The following CPSF6 variants were observed in gnomAD, a reference collection of about 807,000 sequenced individuals.
CPSF6 encodes cleavage and polyadenylation specificity factor subunit 6.
CPSF6 carries 10 observed loss-of-function variants against 56.7 expected under a neutral mutation model. The ratio of observed to expected loss-of-function variants is 0.18; its 90% CI spans 0.11 to 0.30. The LOEUF (loss-of-function observed/expected upper bound fraction) is 0.30, where lower values mean the gene tolerates loss of function less well. CPSF6 is among the 10% of genes least tolerant of loss of function. The pLI is 1.00. For missense variants in CPSF6, 419 were observed against 722.9 expected, an observed-to-expected ratio of 0.58 and a Z score of 4.82; for synonymous variants, 248 against 244.8, an observed-to-expected ratio of 1.01 and a Z score of -0.12.
intron 3 of CPSF6, among the ~76,000 whole-genome samples, chr12:69,253,869 T>C (rs1791863672): frequency 6.6e-6 from 1 of 152,186 alleles, no homozygotes; most frequent in Non-Finnish European, 1.5e-5. Context: ...GTAAATAATG[T>C]TGCAGCAGAC....
At position 69,239,702 on chromosome 12, in the gene CPSF6, A is replaced by C. The variant is rs771103113; in HGVS notation, c.56A>C (p.Asn19Thr). 1 of 1,586,972 alleles carries C rather than the reference A, an allele frequency of 6.3e-7. No individual in the cohort carries two copies. Among genetic ancestry groups the C allele is most frequent in the East Asian group, 2.4e-5 (1 of 41,828 alleles). The change falls in exon 1 of 10, where the codon AAC becomes ACC. Residue 19 changes from asparagine to threonine, a missense_variant. Physicochemically the swap from Asn to Thr is moderately conservative, Grantham distance 65. Around this residue, in one of 4 missense-constraint regions of CPSF6, gnomAD observed 125 missense variants for 216.4 expected, o/e 0.58. Transcript: ENST00000435070. ...TACGCGGATGTCGGCGAAGAGTTCA[A>C]CCAGGTACGTGAGAGCCCAGGTCCC... Reference protein sequence around the residue: ...DIYADVGEEFNQEAEYGGHDQ... With the variant: ...DIYADVGEEFTQEAEYGGHDQ...
intron 1 of CPSF6, among the ~76,000 whole-genome samples, chr12:69,250,122 A>C (rs924233295): frequency 6.6e-6 from 1 of 152,020 alleles, no homozygotes; most frequent in Admixed American, 6.5e-5. Flanking sequence ...ATTTTGAATT[A>C]TTTACATACC....
intron 1 of CPSF6, among the ~76,000 whole-genome samples, chr12:69,250,543 C>T (rs1046079736): frequency 2.2e-5 from 3 of 134,250 alleles, no homozygotes; most frequent in African/African-American, 8.5e-5. Context: ...TGCTTGAACT[C>T]AGGAGTTCGA....
At chr12:69,243,639 A>T (rs1038049185) in intron 1 of CPSF6, among the ~76,000 whole-genome samples, 16 of 152,180 alleles carry the variant, frequency 1.1e-4, no homozygotes, top group African/African-American at 3.1e-4. Context: ...AAAAGATAAA[A>T]AGTGGCACAC....
intron 1 of CPSF6, among the ~76,000 whole-genome samples, chr12:69,250,638 CCTTTTTTT>C (rs1565644846): frequency 3.1e-5 from 3 of 97,566 alleles, no homozygotes; most frequent in East Asian, 5.8e-4. Context: ...AAGGAAACCC[CCTTTTTTT>C]GTTTTTTTGT....
intron 4 of CPSF6, among the ~76,000 whole-genome samples, chr12:69,257,418 T>C (rs771582386): frequency 1.2e-4 from 18 of 152,224 alleles, no homozygotes; most frequent in Admixed American, 2.6e-4. Context: ...TGTTACAAAA[T>C]TTAAATGATG....
Position 69,259,103 on chromosome 12 carries a change from G to C in CPSF6, c.1199+9G>C. On this transcript the variant is annotated intron_variant, in intron 6 of 9. Transcript: ENST00000435070. ...TATGGCCCCCCTGGAAGGTAAGTTA[G>C]TGTGTATCTGTGAAAGTACTTGATG... is the stretch of plus-strand genomic sequence containing the variant. 1 of 1,590,414 alleles carries C rather than the reference G, an allele frequency of 6.3e-7. No individual in the cohort carries two copies. Among genetic ancestry groups the C allele is most frequent in the Non-Finnish European group, 8.5e-7 (1 of 1,174,216 alleles).
rs12296455 is a variant in CPSF6 at position 69,257,396 on chromosome 12, A to T, written c.521-336A>T. On this transcript the variant is annotated intron_variant, in intron 4 of 9. Coordinates refer to ENST00000435070, the MANE Select transcript of CPSF6 (RefSeq NM_007007.3). Reference sequence around the variant, plus strand: ...TTAATGTTTTAGCACTTAAGACTTAACTGAAGAAGTGTGTTACAAAATTTA... The same window carrying T: ...TTAATGTTTTAGCACTTAAGACTTATCTGAAGAAGTGTGTTACAAAATTTA... 8.9e-3 allele frequency among the ~76,000 whole-genome samples: 1,351 copies of T among 152,340 alleles called. 29 individuals are homozygous for T. Among genetic ancestry groups the T allele is most frequent in the African/African-American group, 0.031 (1,297 of 41,572 alleles).
At chr12:69,262,300 A>C (rs1220881074) in intron 8 of CPSF6, 73 bp from the exon 9 acceptor site, 2 of 1,431,694 alleles carry the variant, frequency 1.4e-6, no homozygotes, top group African/African-American at 2.8e-5. Context: ...AAGTTTTTTT[A>C]GACATCAAAA....
chr12:69,244,937 A>T (rs1301458195), intron 1 of CPSF6, among the ~76,000 whole-genome samples: 2 of 152,018 alleles, frequency 1.3e-5, no homozygotes, highest in East Asian at 3.9e-4. Flanking sequence ...AAGTAGGAAG[A>T]GTACACTCTA....
chr12:69,247,361 A>G (rs1408955468), intron 1 of CPSF6, among the ~76,000 whole-genome samples: 1 of 151,256 alleles, frequency 6.6e-6, no homozygotes, highest in Non-Finnish European at 1.5e-5. Flanking sequence ...AATGAAAAAA[A>G]TTAGTGAGTT....
chr12:69,250,656 T>TTTTTTTG (rs1367638677), intron 1 of CPSF6, among the ~76,000 whole-genome samples: 2 of 9,916 alleles, frequency 2.0e-4, no homozygotes, highest in East Asian at 2.6e-3. Flanking sequence ...TGTTTTTTTG[T>TTTTTTTG]TTTTTTTTGA....
At chr12:69,252,338 C>T in intron 2 of CPSF6, 2 of 267,034 alleles carry the variant, frequency 7.5e-6, no homozygotes, top group Non-Finnish European at 1.5e-5. Flanking sequence ...CCTAACCAAG[C>T]TCTCAAAGTG....
intron 1 of CPSF6, among the ~76,000 whole-genome samples, chr12:69,241,772 T>C (rs1871634869): frequency 6.6e-6 from 1 of 152,218 alleles, no homozygotes; most frequent in African/African-American, 2.4e-5. Flanking sequence ...TTGTATAATT[T>C]TACCAGTAAA....
At chr12:69,268,080 G>C (rs759123971) in intron 9 of CPSF6, among the ~76,000 whole-genome samples, 2 of 151,750 alleles carry the variant, frequency 1.3e-5, no homozygotes, top group Admixed American at 6.6e-5. Flanking sequence ...TAATTTCCCA[G>C]TAATTATTAT....
intron 6 of CPSF6, 22 bp downstream of exon 6, chr12:69,259,116 A>G (rs1372899646): frequency 6.3e-7 from 1 of 1,579,778 alleles, no homozygotes; most frequent in Admixed American, 1.7e-5. Flanking sequence ...TGTATCTGTG[A>G]AAGTACTTGA....
intron 9 of CPSF6, among the ~76,000 whole-genome samples, chr12:69,264,720 T>G (rs1872892145): frequency 6.6e-6 from 1 of 152,184 alleles, no homozygotes; most frequent in Non-Finnish European, 1.5e-5. Context: ...GTACGTTTGC[T>G]ATATCAAACA....
At position 69,273,645 on chromosome 12, in the gene CPSF6, C is replaced by T. The variant is rs1873360281; in HGVS notation, c.*4137C>T. On this transcript the variant is annotated 3_prime_UTR_variant, in exon 10 of 10. Transcript: ENST00000435070. ...CGCACTGTTACTGCGTAACACTTCTCAACATTCTGTAAGTTAAATTATTTT... is the reference window on the plus strand; with the variant it reads ...CGCACTGTTACTGCGTAACACTTCTTAACATTCTGTAAGTTAAATTATTTT... The T allele has an allele frequency of 6.6e-6, 1 of 151,910 alleles. No individual in the cohort carries two copies. Among genetic ancestry groups the T allele is most frequent in the Non-Finnish European group, 1.5e-5 (1 of 67,842 alleles). 9.4% of individuals were successfully genotyped at this position (151,910 alleles called of 1,614,324 possible). A position where few individuals can be genotyped will look rare whatever the true frequency, so the allele number is the denominator to read the frequency against.
chr12:69,262,242 C>G lies in CPSF6; in HGVS notation c.1470-131C>G, dbSNP rs766379880. On this transcript the variant is annotated intron_variant, in intron 8 of 9. Coordinates refer to ENST00000435070, the MANE Select transcript of CPSF6 (RefSeq NM_007007.3). ...TGAGTTGGTAAGTCGTTATTGGCAG[C>G]TCAGGATAGTAAGTTTAAACCAGAT... 2.2e-3 allele frequency: 2,533 copies of G among 1,140,590 alleles called. 5 individuals are homozygous for G. The highest frequency in any genetic ancestry group is 2.7e-3 in the Non-Finnish European group (2,333 of 855,232). The allele number at this position is 1,140,590 out of a possible 1,614,324, so 70.7% of individuals were successfully genotyped here.
Sources: gnomAD v4.1 joint callset for allele counts (sites outside exome capture counted in the v4.1 genomes callset) on GRCh38, gnomAD v4.1.1 for gene constraint, gnomAD v4.1.1 regional missense constraint, MANE v1.5 for transcripts, NCBI Gene and HGNC (gene_info 2026-07-23, HGNC 2026-07-21) for gene names.